Variants in MPP7 observed in about 807,000 individuals in gnomAD.
MPP7 encodes MAGUK p55 subfamily member 7.
In MPP7, 60 loss-of-function variants were observed where a neutral mutation model predicts 76.5. The ratio of observed to expected loss-of-function variants is 0.78; its 90% CI spans 0.64 to 0.97. MPP7 has a LOEUF of 0.97. Among genes scored for constraint, MPP7 ranks in the 50% least tolerant of loss-of-function variants. MPP7 has a pLI of 0.00. For missense variants in MPP7, 641 were observed against 694.0 expected (o/e 0.92, Z 0.86); for synonymous variants, 237 against 244.5 (o/e 0.97, Z 0.29).
At chr10:28,231,200 T>C (rs1366121723) in intron 2 of MPP7, among the ~76,000 whole-genome samples, 6 of 151,524 alleles carry the variant, frequency 4.0e-5, no homozygotes, top group African/African-American at 7.3e-5. Context: ...AAAACTCTTA[T>C]GTGAATATTT....
intron 3 of MPP7, among the ~76,000 whole-genome samples, chr10:28,156,542 A>G (rs1836068712): frequency 6.6e-6 from 1 of 152,218 alleles, no homozygotes; most frequent in African/African-American, 2.4e-5. Flanking sequence ...CAGTCCAAGT[A>G]AAAAGAGAAG....
chr10:28,295,059 G>A (rs1271335172), intron 1 of MPP7, among the ~76,000 whole-genome samples: 2 of 152,062 alleles, frequency 1.3e-5, no homozygotes, highest in African/African-American at 2.4e-5. Flanking sequence ...CTCCCAGACC[G>A]ACTGATCAGA....
At chr10:28,269,984 G>C (rs1407570123) in intron 1 of MPP7, among the ~76,000 whole-genome samples, 1 of 152,166 alleles carries the variant, frequency 6.6e-6, no homozygotes, top group Non-Finnish European at 1.5e-5. Flanking sequence ...GGTTTTACTG[G>C]TTCTCTTAAA....
At chr10:28,201,253 C>A (rs998430211) in intron 3 of MPP7, among the ~76,000 whole-genome samples, 3 of 152,146 alleles carry the variant, frequency 2.0e-5, no homozygotes, top group African/African-American at 7.2e-5. Flanking sequence ...TATAGGAATT[C>A]TGTTCTGAAA....
At chr10:28,155,600 A>AAAAAAAAAG (rs974957931) in intron 3 of MPP7, among the ~76,000 whole-genome samples, 2 of 148,690 alleles carry the variant, frequency 1.3e-5, no homozygotes, top group African/African-American at 2.5e-5. Context: ...CCTGTCTCCA[A>AAAAAAAAAG]AAAAAAAAAG....
intron 2 of MPP7, among the ~76,000 whole-genome samples, chr10:28,221,570 G>A (rs186262454): frequency 2.6e-5 from 4 of 152,242 alleles, no homozygotes; most frequent in Admixed American, 2.0e-4. Flanking sequence ...AGATCCCCAC[G>A]TAATGAGGCG....
At chr10:28,092,109 G>A (rs1853334825) in intron 11 of MPP7, among the ~76,000 whole-genome samples, 1 of 152,152 alleles carries the variant, frequency 6.6e-6, no homozygotes, top group African/African-American at 2.4e-5. Flanking sequence ...GACTAACAAT[G>A]GTTTTATGTG....
intron 11 of MPP7, among the ~76,000 whole-genome samples, chr10:28,110,084 T>C (rs929816646): frequency 6.6e-6 from 1 of 150,960 alleles, no homozygotes; most frequent in Non-Finnish European, 1.5e-5. Context: ...TATTTTCTTC[T>C]TTTTTCTTTT....
At chr10:28,242,584 C>T (rs1839305895) in intron 1 of MPP7, among the ~76,000 whole-genome samples, 1 of 152,188 alleles carries the variant, frequency 6.6e-6, no homozygotes, top group Admixed American at 6.5e-5. Context: ...TCCACAGACC[C>T]CTAGTGGTCT....
intron 11 of MPP7, chr10:28,118,011 AAAAC>A: frequency 2.4e-6 from 2 of 816,946 alleles, no homozygotes; most frequent in Non-Finnish European, 2.9e-6. Flanking sequence ...AGCAAAAACA[AAAAC>A]AAAAAAAAAC....
chr10:28,140,094 G>C (rs1426297668), intron 5 of MPP7, among the ~76,000 whole-genome samples: 1 of 152,146 alleles, frequency 6.6e-6, no homozygotes, highest in Admixed American at 6.5e-5. Context: ...ATGCCAATAT[G>C]ACATACACAA....
chr10:28,109,750 G>C (rs1184594543), intron 11 of MPP7, among the ~76,000 whole-genome samples: 1 of 145,326 alleles, frequency 6.9e-6, no homozygotes, highest in Non-Finnish European at 1.5e-5. Context: ...TTCCACTGTT[G>C]TTACCAGCAT....
At chr10:28,170,238 T>G (rs1026553348) in intron 3 of MPP7, among the ~76,000 whole-genome samples, 1 of 152,214 alleles carries the variant, frequency 6.6e-6, no homozygotes, top group African/African-American at 2.4e-5. Context: ...TTGGGTATAT[T>G]GTGATTCCTG....
chr10:28,061,595 A>C (rs1439324898), intron 13 of MPP7, among the ~76,000 whole-genome samples: 2 of 152,036 alleles, frequency 1.3e-5, no homozygotes, highest in Non-Finnish European at 2.9e-5. Flanking sequence ...GAGAGGAAAA[A>C]AGAGATTGGG....
chr10:28,291,845 G>T (rs1840928241), intron 1 of MPP7, among the ~76,000 whole-genome samples: 1 of 151,958 alleles, frequency 6.6e-6, no homozygotes, highest in African/African-American at 2.4e-5. Flanking sequence ...GCTAAGCTTT[G>T]TTTATTACTG....
chr10:28,135,704 G>A (rs186987443), intron 5 of MPP7, among the ~76,000 whole-genome samples: 1 of 152,232 alleles, frequency 6.6e-6, no homozygotes, highest in East Asian at 1.9e-4. Context: ...GTTATGGGAT[G>A]GGTATTGTCT....
intron 6 of MPP7, among the ~76,000 whole-genome samples, chr10:28,129,465 T>C (rs2133669911): frequency 6.6e-6 from 1 of 152,140 alleles, no homozygotes; most frequent in African/African-American, 2.4e-5. Flanking sequence ...TGGGTTATCA[T>C]GATTTCCTTA....
At position 28,089,760 on chromosome 10, in the gene MPP7, T is replaced by G; in HGVS notation, c.1034A>C (p.Gln345Pro). 4 of 1,610,742 alleles carry G rather than the reference T, an allele frequency of 2.5e-6. No individual in the cohort carries two copies. The highest frequency in any genetic ancestry group is 3.4e-6 in the Non-Finnish European group (4 of 1,177,042). Reference protein sequence around the residue: ...KSMYECKKSDQYDTADVPTYE... With the variant: ...KSMYECKKSDPYDTADVPTYE... ...TGTGGGTACGTCAGCTGTGTCGTAC[T>G]GATCACTCTTCTTGCATTCATACAT... The change falls in exon 12 of 17, where the codon CAG becomes CCG. Residue 345 changes from glutamine (Q) to proline (P), a missense_variant. Transcript: ENST00000683449.
chr10:28,246,350 C>A (rs1839435536), intron 1 of MPP7, among the ~76,000 whole-genome samples: 1 of 151,952 alleles, frequency 6.6e-6, no homozygotes, highest in Non-Finnish European at 1.5e-5. Context: ...TCTGACAAAA[C>A]TGTCCCACAA....
Sources: allele counts gnomAD v4.1 joint callset (sites outside exome capture counted in the v4.1 genomes callset), GRCh38; gene constraint gnomAD v4.1.1; transcripts MANE v1.5; gene names NCBI Gene and HGNC (gene_info 2026-07-23, HGNC 2026-07-21).